The following LRRC31 variants were observed in gnomAD, a reference collection of about 807,000 sequenced individuals.
LRRC31 encodes the protein leucine-rich repeat-containing protein 31.
A neutral mutation model predicts 46.7 loss-of-function variants in LRRC31; 35 were observed. That is an observed-to-expected ratio of 0.75 (90% CI 0.57 to 0.99). The LOEUF is 0.99. Ranked by LOEUF, LRRC31 falls within the 50% of genes least tolerant of loss-of-function variation. The pLI, the probability that LRRC31 is intolerant of heterozygous loss-of-function variation, is 0.00. For synonymous variants in LRRC31, 236 were observed against 235.1 expected, an observed-to-expected ratio of 1.00 and a Z score of -0.03; for missense variants, 613 against 626.1, an observed-to-expected ratio of 0.98 and a Z score of 0.22.
rs371997943 is a variant in LRRC31, at chr3:169,856,520, C to A, written c.656-17G>T. 11 of 1,580,276 alleles carry A rather than the reference C, an allele frequency of 7.0e-6. No individual in the cohort carries two copies. Among genetic ancestry groups the A allele is most frequent in the Non-Finnish European group, 9.4e-6 (11 of 1,164,822 alleles). On this transcript the variant is annotated splice_polypyrimidine_tract_variant and intron_variant, in intron 4 of 8. Coordinates refer to ENST00000316428, the MANE Select transcript of LRRC31 (RefSeq NM_024727.4). Reference sequence around the variant, plus strand: ...GCAGTTGACCTAGAAGGAAAGAAATCCAAATAAGAAGGGTAGGTAGGAGGG... The same window carrying A: ...GCAGTTGACCTAGAAGGAAAGAAATACAAATAAGAAGGGTAGGTAGGAGGG...
chr3:169,861,378 A>AAAAAAAG (rs994807231), intron 2 of LRRC31, among the ~76,000 whole-genome samples: 2 of 147,082 alleles, frequency 1.4e-5, no homozygotes, highest in South Asian at 2.2e-4. Context: ...TTTTCTTAAA[A>AAAAAAAG]AAAAAAGAAA....
intron 8 of LRRC31, among the ~76,000 whole-genome samples, chr3:169,844,159 A>G (rs1780531307): frequency 6.6e-6 from 1 of 152,156 alleles, no homozygotes; most frequent in African/African-American, 2.4e-5. Flanking sequence ...TTATAAGAAA[A>G]CCAGTAGACT....
At chr3:169,848,648 G>T (rs980504550) in intron 7 of LRRC31, among the ~76,000 whole-genome samples, 1 of 152,082 alleles carries the variant, frequency 6.6e-6, no homozygotes, top group Non-Finnish European at 1.5e-5. Context: ...TAATAGAGAC[G>T]CTGTTTCACC....
intron 8 of LRRC31, among the ~76,000 whole-genome samples, chr3:169,841,171 G>C (rs1330266509): frequency 1.3e-5 from 2 of 152,348 alleles, no homozygotes; most frequent in East Asian, 1.9e-4. Flanking sequence ...GCATTATGGA[G>C]CAGCTCCTAG....
rs1164254037 is a variant in LRRC31 at position 169,851,876 on chromosome 3, C to T, written c.992-90G>A. ...GGTTCCCACAATCTGTTTAATCTGT[C>T]AGTCAATACAGCTCTCCCCACCCCG... is the stretch of plus-strand genomic sequence containing the variant. On this transcript the variant is annotated intron_variant, in intron 6 of 8. Transcript: ENST00000316428. 2.3e-6 allele frequency: 3 copies of T among 1,297,950 alleles called. No individual in the cohort carries two copies. In the African/African-American group the frequency reaches 4.4e-5, roughly 19 times the overall value. 80.4% of individuals were successfully genotyped at this position (1,297,950 alleles called of 1,614,324 possible).
rs763840745 is a variant in LRRC31 at position 169,839,947 on chromosome 3, A to G, written c.*35T>C. On this transcript the variant is annotated 3_prime_UTR_variant, in exon 9 of 9. Transcript: ENST00000316428. ...CGTTCATGTTCTTTTCCTTTGGAGA[A>G]TGGTTTGTAGCTTAGTAGGACATGG... 6.6e-6 allele frequency: 10 copies of G among 1,515,436 alleles called. No homozygotes were observed. In the Admixed American group the frequency reaches 2.0e-4, roughly 30 times the overall value. The allele number at this position is 1,515,436 out of a possible 1,614,324, so 93.9% of individuals were successfully genotyped here.
intron 3 of LRRC31, among the ~76,000 whole-genome samples, chr3:169,859,631 A>T (rs1021216943): frequency 5.9e-5 from 9 of 152,244 alleles, no homozygotes; most frequent in African/African-American, 2.2e-4. Context: ...TACAAATTTA[A>T]TCCTATGAAA....
chr3:169,861,142 T>G (rs1235108920), intron 2 of LRRC31, among the ~76,000 whole-genome samples: 1 of 147,586 alleles, frequency 6.8e-6, no homozygotes, highest in Non-Finnish European at 1.5e-5. Flanking sequence ...CGATCTTGGC[T>G]CACTGCAACC....
Position 169,860,600 on chromosome 3 carries a change from C to A in LRRC31, c.448G>T (p.Gly150Cys), listed in dbSNP as rs1260543136. 1.9e-6 allele frequency: 3 copies of A among 1,614,064 alleles called. No homozygotes were observed. In the Admixed American group the frequency reaches 5.0e-5, roughly 27 times the overall value. The stretch of plus-strand genomic sequence containing the variant: ...TCGTCAGTGGTGAGTCTGCAGCTAC[C>A]CAGCCTCAAGATTTTTAACTTGCTG... ...LVSKLKILRL[G>C]SCRLTTDDVQ... The change falls in exon 3 of 9, where the codon GGT becomes TGT. Residue 150 changes from glycine to cysteine, a missense_variant. Transcript: ENST00000316428.
At position 169,840,154 on chromosome 3, in the gene LRRC31, C is replaced by T. The variant is rs746737739; in HGVS notation, c.1487G>A (p.Arg496Gln). ...LDISLRPSNF[R>Q]DCGQWFRHLL... ...GTGTCTAAACCATTGTCCACAATCT[C>T]GAAAATTTGATGGTCGAAGGCTAAT... is the stretch of plus-strand genomic sequence containing the variant. Residue 496 changes from arginine (R) to glutamine (Q), a missense_variant, in exon 9 of 9, where the codon CGA (arginine) becomes CAA (glutamine). Arg to Gln is a conservative substitution (Grantham distance 43). Coordinates refer to ENST00000316428, the MANE Select transcript of LRRC31 (RefSeq NM_024727.4). The T allele has an allele frequency of 3.1e-6, 5 of 1,614,062 alleles. No homozygotes were observed. The highest frequency in any genetic ancestry group is 1.7e-5 in the Admixed American group (1 of 59,990).
chr3:169,855,420 T>TCA (rs1018812321), intron 5 of LRRC31, among the ~76,000 whole-genome samples: 1 of 152,052 alleles, frequency 6.6e-6, no homozygotes, highest in Non-Finnish European at 1.5e-5. Context: ...GACCATGATT[T>TCA]CACACACACG....
chr3:169,863,867 A>G (rs1168319167), intron 1 of LRRC31, among the ~76,000 whole-genome samples: 1 of 152,194 alleles, frequency 6.6e-6, no homozygotes, highest in East Asian at 1.9e-4. Context: ...ACTGCCTCTT[A>G]GGTGCCAGCA....
intron 8 of LRRC31, among the ~76,000 whole-genome samples, chr3:169,846,732 A>G (rs1159289157): frequency 6.6e-6 from 1 of 152,086 alleles, no homozygotes; most frequent in African/African-American, 2.4e-5. Context: ...CTTTCCACCA[A>G]TGGAAGTGTG....
chr3:169,869,233 T>C (rs1177999881), intron 1 of LRRC31, among the ~76,000 whole-genome samples: 1 of 151,850 alleles, frequency 6.6e-6, no homozygotes, highest in East Asian at 1.9e-4. Flanking sequence ...TAGCTGGGCA[T>C]GGTGGTGCGC....
At chr3:169,856,637 A>C in intron 4 of LRRC31, 68 bp downstream of exon 4, 8 of 1,470,872 alleles carry the variant, frequency 5.4e-6, no homozygotes, top group Non-Finnish European at 7.2e-6. Flanking sequence ...AAGACAAAAC[A>C]CAGCAAACTT....
rs999039048 is a variant in LRRC31 at position 169,848,068 on chromosome 3, C to T, written c.1327+52G>A. The T allele has an allele frequency of 1.1e-5, 17 of 1,557,502 alleles. No homozygotes were observed. In the East Asian group the frequency reaches 1.4e-4, roughly 12 times the overall value. On this transcript the variant is annotated intron_variant, in intron 8 of 8. Coordinates refer to ENST00000316428, the MANE Select transcript of LRRC31 (RefSeq NM_024727.4). ...TCCCCACCTGGTGCTTTGCAGGGGC[C>T]GCACCCACTGCTCTGTTTGCCAAGA...
Position 169,848,267 on chromosome 3 carries a change from A to T in LRRC31, c.1180T>A (p.Ser394Thr), listed in dbSNP as rs200821318. 6.2e-7 allele frequency: 1 copy of T among 1,614,006 alleles called. No homozygotes were observed. Among genetic ancestry groups the T allele is most frequent in the East Asian group, 2.2e-5 (1 of 44,904 alleles). ...GAAAGGTTGAATACTTCCAGAGCAG[A>T]GAGGTGAACAGAGGCTTCAGCTAAA... ...TALAEASVHL[S>T]ALEVFNLSWN... Residue 394 changes from serine (S) to threonine (T), a missense_variant, in exon 8 of 9, where the codon TCT becomes ACT. Physicochemically the swap from Ser to Thr is moderately conservative, Grantham distance 58. Transcript: ENST00000316428.
chr3:169,857,318 C>CTATATATATATATATATA (rs34162537), intron 3 of LRRC31, among the ~76,000 whole-genome samples: 44 of 66,386 alleles, frequency 6.6e-4, no homozygotes, highest in East Asian at 1.5e-3. Flanking sequence ...TATCACATGC[C>CTATATATATATATATATA]TATATATATA....
intron 1 of LRRC31, among the ~76,000 whole-genome samples, chr3:169,863,135 G>A (rs573383742): frequency 5.9e-5 from 9 of 151,638 alleles, no homozygotes; most frequent in Middle Eastern, 3.4e-3. Context: ...CCACCTACCC[G>A]GCCTCCCAAA....
Sources: gnomAD v4.1 joint callset for allele counts (sites outside exome capture counted in the v4.1 genomes callset) on GRCh38, gnomAD v4.1.1 for gene constraint, MANE v1.5 for transcripts, NCBI Gene and HGNC (gene_info 2026-07-23, HGNC 2026-07-21) for gene names.